The following ZCCHC7 variants were observed in gnomAD, a reference collection of about 807,000 sequenced individuals.
The protein encoded by ZCCHC7 is zinc finger CCHC domain-containing protein 7.
ZCCHC7 carries 35 observed loss-of-function variants against 52.0 expected under a neutral mutation model. The ratio of observed to expected loss-of-function variants is 0.67; its 90% CI spans 0.51 to 0.89. ZCCHC7 has a LOEUF of 0.89. Among genes scored for constraint, ZCCHC7 ranks in the 40% least tolerant of loss-of-function variants. The probability of loss-of-function intolerance (pLI) is 0.00; values close to 1 mark genes in which losing one functional copy is unlikely to be tolerated. For synonymous variants in ZCCHC7, 217 were observed against 221.5 expected, an observed-to-expected ratio of 0.98 and a Z score of 0.18; for missense variants, 574 against 649.1, an observed-to-expected ratio of 0.88 and a Z score of 1.26.
At chr9:37,271,448 C>A (rs1329523008) in intron 2 of ZCCHC7, among the ~76,000 whole-genome samples, 1 of 152,130 alleles carries the variant, frequency 6.6e-6, no homozygotes, top group East Asian at 1.9e-4. Flanking sequence ...TCTTATAAAG[C>A]ATATATATTT....
At chr9:37,269,274 C>T (rs192512606) in intron 2 of ZCCHC7, among the ~76,000 whole-genome samples, 39 of 152,134 alleles carry the variant, frequency 2.6e-4, no homozygotes, top group African/African-American at 8.7e-4. Flanking sequence ...GTATATGAAG[C>T]AGGGGTTATA....
chr9:37,297,152 C>G (rs1828825857), intron 2 of ZCCHC7, among the ~76,000 whole-genome samples: 1 of 152,084 alleles, frequency 6.6e-6, no homozygotes. Context: ...CTCATTTTCC[C>G]AAATAATATA....
chr9:37,328,053 A>G (rs1445449840), intron 6 of ZCCHC7, among the ~76,000 whole-genome samples: 1 of 152,058 alleles, frequency 6.6e-6, no homozygotes, highest in East Asian at 1.9e-4. Context: ...TATTACTCAC[A>G]TCATTTAATG....
intron 2 of ZCCHC7, among the ~76,000 whole-genome samples, chr9:37,173,304 G>C (rs1821842028): frequency 6.6e-6 from 1 of 152,196 alleles, no homozygotes; most frequent in Non-Finnish European, 1.5e-5. Context: ...TTATGACCCT[G>C]CAGACTGATT....
intron 2 of ZCCHC7, among the ~76,000 whole-genome samples, chr9:37,129,097 G>C (rs1003319034): frequency 2.0e-5 from 3 of 152,070 alleles, no homozygotes; most frequent in Middle Eastern, 6.3e-3. Flanking sequence ...TGAAAAGAAA[G>C]CTTGATAACT....
intron 6 of ZCCHC7, among the ~76,000 whole-genome samples, chr9:37,340,825 C>T (rs543471567): frequency 6.6e-6 from 1 of 152,050 alleles, no homozygotes; most frequent in Admixed American, 6.6e-5. Flanking sequence ...TGATTTCATT[C>T]CTATTAAGCC....
At chr9:37,226,387 A>G (rs1825105964) in intron 2 of ZCCHC7, among the ~76,000 whole-genome samples, 1 of 152,128 alleles carries the variant, frequency 6.6e-6, no homozygotes, top group African/African-American at 2.4e-5. Context: ...GTGCAATATC[A>G]GTCAAAATTC....
At chr9:37,227,046 A>C (rs1825148094) in intron 2 of ZCCHC7, among the ~76,000 whole-genome samples, 1 of 151,542 alleles carries the variant, frequency 6.6e-6, no homozygotes, top group South Asian at 2.1e-4. Context: ...AAAAAAAAAA[A>C]CCAGGATATC....
In ZCCHC7 at chr9:37,304,314, G is replaced by T; in HGVS notation, c.780+1G>T. On this transcript the variant is annotated splice_donor_variant, in intron 4 of 8. Coordinates refer to ENST00000336755, the MANE Select transcript of ZCCHC7 (RefSeq NM_032226.3). LOFTEE classifies it high-confidence loss of function. ...ATCAAAAAACTGCCCCTTACCACGAGTACGTGAAATATGCTTTGCTTCTTT... is the reference window on the plus strand; with the variant it reads ...ATCAAAAAACTGCCCCTTACCACGATTACGTGAAATATGCTTTGCTTCTTT... 6.2e-7 allele frequency: 1 copy of T among 1,612,166 alleles called. No homozygotes were observed. Among genetic ancestry groups the T allele is most frequent in the Non-Finnish European group, 8.5e-7 (1 of 1,179,226 alleles).
chr9:37,282,604 CAAAAA>C (rs60743608), intron 2 of ZCCHC7, among the ~76,000 whole-genome samples: 3 of 52,542 alleles, frequency 5.7e-5, no homozygotes, highest in African/African-American at 2.4e-4. Flanking sequence ...GACTCTGTCT[CAAAAA>C]AAAAAAAAAA....
intron 2 of ZCCHC7, among the ~76,000 whole-genome samples, chr9:37,134,110 C>G (rs1411508175): frequency 6.6e-6 from 1 of 152,048 alleles, no homozygotes; most frequent in Non-Finnish European, 1.5e-5. Context: ...CATCACATAC[C>G]CAGCTAGTGT....
In ZCCHC7 at chr9:37,354,597, A is replaced by T; in HGVS notation, c.1084-113A>T. 1.4e-6 allele frequency: 1 copy of T among 703,300 alleles called. No individual in the cohort carries two copies. The highest frequency in any genetic ancestry group is 2.4e-6 in the Non-Finnish European group (1 of 414,974). 43.6% of individuals were successfully genotyped at this position (703,300 alleles called of 1,614,324 possible). On this transcript the variant is annotated intron_variant, in intron 7 of 8. Coordinates refer to ENST00000336755, the MANE Select transcript of ZCCHC7 (RefSeq NM_032226.3). This position sits in a 1 kb window ranked among gnomAD's most constrained non-coding sequence, Gnocchi z 4.0. ...AAGGACCATATCCTACAGCCACCAC[A>T]TGAGGTACCAGTGACATGGGGCTCA...
intron 2 of ZCCHC7, among the ~76,000 whole-genome samples, chr9:37,200,178 T>C (rs910844417): frequency 6.7e-6 from 1 of 150,228 alleles, no homozygotes; most frequent in Admixed American, 6.6e-5. Context: ...TCCTCTCTCT[T>C]TGTTATCTTT....
intron 6 of ZCCHC7, among the ~76,000 whole-genome samples, chr9:37,347,637 G>GA (rs920913821): frequency 1.4e-4 from 21 of 149,856 alleles, no homozygotes; most frequent in African/African-American, 3.2e-4. Flanking sequence ...TGGCTTTAAA[G>GA]AAAAAAAAAA....
intron 2 of ZCCHC7, among the ~76,000 whole-genome samples, chr9:37,132,414 A>G (rs1842821744): frequency 1.3e-5 from 2 of 152,348 alleles, no homozygotes; most frequent in South Asian, 2.1e-4. Flanking sequence ...TCAGTGTCCC[A>G]TAAACCAGCT....
At chr9:37,208,461 A>G (rs1824040331) in intron 2 of ZCCHC7, among the ~76,000 whole-genome samples, 1 of 152,222 alleles carries the variant, frequency 6.6e-6, no homozygotes, top group Non-Finnish European at 1.5e-5. Flanking sequence ...AATAGGCAGG[A>G]GTGCTGCTTC....
chr9:37,308,496 T>C (rs919831454), intron 5 of ZCCHC7, among the ~76,000 whole-genome samples: 2 of 150,800 alleles, frequency 1.3e-5, no homozygotes, highest in Non-Finnish European at 2.9e-5. Context: ...TAAAAGGTTA[T>C]ATAATCATCT....
intron 2 of ZCCHC7, among the ~76,000 whole-genome samples, chr9:37,278,034 G>GTTTTGTTTTGTTTTGTTT (rs1554723031): frequency 4.3e-4 from 61 of 142,956 alleles, no homozygotes; most frequent in African/African-American, 5.5e-4. Context: ...GTGTGTGTGT[G>GTTTTGTTTTGTTTTGTTT]TGTTTTGTTT....
chr9:37,145,444 A>T (rs938156747), intron 2 of ZCCHC7, among the ~76,000 whole-genome samples: 2 of 151,912 alleles, frequency 1.3e-5, no homozygotes, highest in African/African-American at 4.8e-5. Flanking sequence ...ATATGTAATT[A>T]TCGTTCAGAA....
Sources: allele counts gnomAD v4.1 joint callset (sites outside exome capture counted in the v4.1 genomes callset), GRCh38; gene constraint gnomAD v4.1.1; non-coding constraint Gnocchi (gnomAD v3.1); transcripts MANE v1.5; gene names NCBI Gene and HGNC (gene_info 2026-07-23, HGNC 2026-07-21).